Variants in CAPN2 observed in about 807,000 individuals in gnomAD.
The protein encoded by CAPN2 is calpain-2 catalytic subunit.
In CAPN2, 92 loss-of-function variants were observed where a neutral mutation model predicts 102.3. The ratio of observed to expected loss-of-function variants is 0.90; its 90% CI spans 0.76 to 1.07. The LOEUF is 1.07. CAPN2 is among the 50% of genes least tolerant of loss of function. The probability of loss-of-function intolerance (pLI) is 0.00; values close to 1 mark genes in which losing one functional copy is unlikely to be tolerated. For synonymous variants in CAPN2, 340 were observed against 355.4 expected (o/e 0.96, Z 0.49); for missense variants, 800 against 909.4 (o/e 0.88, Z 1.55).
chr1:223,716,945 C>T (rs1659887623), intron 1 of CAPN2, among the ~76,000 whole-genome samples: 1 of 152,116 alleles, frequency 6.6e-6, no homozygotes, highest in Non-Finnish European at 1.5e-5. Context: ...CAGTAAGTTC[C>T]AATGCCAGTG....
chr1:223,752,995 G>T (rs1660944257), intron 9 of CAPN2, 39 bp downstream of exon 9: 1 of 1,598,014 alleles, frequency 6.3e-7, no homozygotes, highest in Non-Finnish European at 8.6e-7. Context: ...GCAATGCGGG[G>T]CCACCAAAGG....
chr1:223,763,330 C>T (rs1053365849), intron 14 of CAPN2, among the ~76,000 whole-genome samples: 1 of 152,184 alleles, frequency 6.6e-6, no homozygotes, highest in Non-Finnish European at 1.5e-5. Context: ...GTCTGCTCTG[C>T]GCCTCCACCG....
At chr1:223,717,693 A>T (rs1659913974) in intron 1 of CAPN2, 69 bp from the exon 2 acceptor site, 6 of 1,257,152 alleles carry the variant, frequency 4.8e-6, no homozygotes, top group Non-Finnish European at 7.0e-6. Context: ...CCCACTGAGA[A>T]TGGAGGCATC....
chr1:223,712,961 G>C (rs1440167264), intron 1 of CAPN2, 84 bp downstream of exon 1: 1 of 1,001,498 alleles, frequency 1.0e-6, no homozygotes, highest in Non-Finnish European at 1.3e-6. Context: ...GCTGGGGCGG[G>C]GGGCAGCCCG....
In CAPN2 at chr1:223,731,473, C is replaced by T. The variant is rs1660333129; in HGVS notation, c.308-12627C>T. Among the ~76,000 whole-genome samples the T allele has an allele frequency of 6.6e-6, 1 of 152,108 alleles. No individual in the cohort carries two copies. The highest frequency in any genetic ancestry group is 2.4e-5 in the African/African-American group (1 of 41,408). ...AGCTCCCCGCTCTAAGCCTTCCTCG[C>T]CCACCCCAGCCCTCCTACAGTCCCA... On this transcript the variant is annotated intron_variant, in intron 2 of 20. Transcript: ENST00000295006. The surrounding 1 kb of genome is among the most constrained non-coding windows in gnomAD (Gnocchi z 4.2).
intron 2 of CAPN2, among the ~76,000 whole-genome samples, chr1:223,735,942 G>C (rs745555479): frequency 3.3e-5 from 5 of 152,182 alleles, no homozygotes; most frequent in Non-Finnish European, 5.9e-5. Flanking sequence ...ACCATGCTCA[G>C]CTAATTTTTG....
At chr1:223,719,974 T>A (rs559945234) in intron 2 of CAPN2, among the ~76,000 whole-genome samples, 2 of 152,326 alleles carry the variant, frequency 1.3e-5, no homozygotes, top group East Asian at 3.9e-4. Context: ...CGGGTGCTGA[T>A]GGGGCCTTGA....
intron 6 of CAPN2, among the ~76,000 whole-genome samples, chr1:223,750,475 C>T (rs962673978): frequency 1.2e-4 from 18 of 152,148 alleles, no homozygotes; most frequent in African/African-American, 2.7e-4. Context: ...TCCTTTCTGG[C>T]GACCCACCCC....
At chr1:223,746,862 G>A in intron 4 of CAPN2, 135 bp from the exon 5 acceptor site, 1 of 648,920 alleles carries the variant, frequency 1.5e-6, no homozygotes, top group Non-Finnish European at 2.5e-6. Context: ...CCCCGAGCTG[G>A]GAACAAGGCC....
intron 11 of CAPN2, chr1:223,758,845 G>A (rs762130820): frequency 3.2e-5 from 8 of 247,296 alleles, no homozygotes; most frequent in Non-Finnish European, 5.6e-5. Context: ...GGCGCTTGCC[G>A]CCACCCCTGG....
chr1:223,738,084 A>G (rs980215062), intron 2 of CAPN2, among the ~76,000 whole-genome samples: 1 of 152,136 alleles, frequency 6.6e-6, no homozygotes, highest in African/African-American at 2.4e-5. Context: ...TTTTCTAGCT[A>G]TGCTTCATAT....
intron 18 of CAPN2, 32 bp downstream of exon 18, chr1:223,770,557 G>A (rs747013547): frequency 1.4e-6 from 2 of 1,393,592 alleles, no homozygotes; most frequent in Non-Finnish European, 2.0e-6. Context: ...TTCGTTCCTA[G>A]TTTAATCTGT....
At position 223,726,479 on chromosome 1, in the gene CAPN2, T is replaced by G. The variant is rs2102781887; in HGVS notation, c.307+8648T>G. 6.6e-6 allele frequency among the ~76,000 whole-genome samples: 1 copy of G among 152,210 alleles called. No individual in the cohort carries two copies. The highest frequency in any genetic ancestry group is 2.1e-4 in the South Asian group (1 of 4,814). ...CAAAAACGACAAAACATGCAACAGG[T>G]TATGTCCTTCTGGTCCAGGGCACGG... is the stretch of plus-strand genomic sequence containing the variant. On this transcript the variant is annotated intron_variant, in intron 2 of 20. Transcript: ENST00000295006. This position sits in a 1 kb window ranked among gnomAD's most constrained non-coding sequence, Gnocchi z 4.4.
rs796163144 is a variant in CAPN2, at chr1:223,719,813, T to C, written c.307+1982T>C. On this transcript the variant is annotated intron_variant, in intron 2 of 20. Transcript: ENST00000295006. Reference sequence around the variant, plus strand: ...TTTCTCAGGGGTGTGTGCGTGTGTGTGTGTGTGTGTGTGTGTGTGCGCGCG... The same window carrying C: ...TTTCTCAGGGGTGTGTGCGTGTGTGCGTGTGTGTGTGTGTGTGTGCGCGCG... 2.6e-3 allele frequency among the ~76,000 whole-genome samples: 372 copies of C among 142,286 alleles called. 1 individual carries two copies. The highest frequency in any genetic ancestry group is 7.8e-3 in the African/African-American group (288 of 36,808). The allele number at this position is 142,286 out of a possible 152,430, so 93.3% of individuals were successfully genotyped here.
At chr1:223,760,537 C>T (rs1013662131) in intron 12 of CAPN2, among the ~76,000 whole-genome samples, 1 of 152,220 alleles carries the variant, frequency 6.6e-6, no homozygotes, top group African/African-American at 2.4e-5. Context: ...TTGCTAAAGC[C>T]TACCATGGGG....
At chr1:223,761,429 C>G (rs1365035066) in intron 12 of CAPN2, 152 bp from the exon 13 acceptor site, 1 of 524,876 alleles carries the variant, frequency 1.9e-6, no homozygotes, top group African/African-American at 1.9e-5. Flanking sequence ...ATCACAGAAA[C>G]TTGGAATACA....
At chr1:223,722,277 CTTTCTTTTTTTTTTTTTTTT>C (rs1660069649) in intron 2 of CAPN2, among the ~76,000 whole-genome samples, 3 of 100,960 alleles carry the variant, frequency 3.0e-5, no homozygotes, top group African/African-American at 1.3e-4. Flanking sequence ...CTTTTTCTTT[CTTTCTTTTTTTTTTTTTTTT>C]TTTTTTTTGA....
In CAPN2 at chr1:223,727,255, G is replaced by C. The variant is rs886965009; in HGVS notation, c.307+9424G>C. ...AACAAAAGGTCTAAAGAAATATAAC[G>C]CAAAACAGGTACGATTTGAGATCCA... On this transcript the variant is annotated intron_variant, in intron 2 of 20. Transcript: ENST00000295006. This position sits in a 1 kb window ranked among gnomAD's most constrained non-coding sequence, Gnocchi z 4.1. Among the ~76,000 whole-genome samples, 2 of 152,222 alleles carry C rather than the reference G, an allele frequency of 1.3e-5. No homozygotes were observed. The highest frequency in any genetic ancestry group is 4.8e-5 in the African/African-American group (2 of 41,446).
intron 2 of CAPN2, among the ~76,000 whole-genome samples, chr1:223,735,587 C>T (rs1025695020): frequency 6.6e-6 from 1 of 151,784 alleles, no homozygotes; most frequent in African/African-American, 2.4e-5. Context: ...CCTCCCCAAC[C>T]ACCTCTGGTC....
Sources: gnomAD v4.1 joint callset for allele counts (sites outside exome capture counted in the v4.1 genomes callset) on GRCh38, gnomAD v4.1.1 for gene constraint, Gnocchi (gnomAD v3.1) non-coding constraint, MANE v1.5 for transcripts, NCBI Gene and HGNC (gene_info 2026-07-23, HGNC 2026-07-21) for gene names.